Variants in MCUB observed in about 807,000 individuals in gnomAD.
The protein encoded by MCUB is mitochondrial calcium uniporter dominant negative subunit beta, also known as calcium uniporter regulatory subunit MCUb, mitochondrial.
In MCUB, 46 loss-of-function variants were observed where a neutral mutation model predicts 41.4. That is an observed-to-expected ratio of 1.11 (90% CI 0.88 to 1.42). The LOEUF is 1.42. Ranked by LOEUF, MCUB falls within the 40% of genes most tolerant of loss-of-function variation. MCUB has a pLI of 0.00. For synonymous variants in MCUB, 148 were observed against 148.2 expected, an observed-to-expected ratio of 1.00 and a Z score of 0.01; for missense variants, 403 against 404.9, an observed-to-expected ratio of 1.00 and a Z score of 0.04.
intron 1 of MCUB, among the ~76,000 whole-genome samples, chr4:109,580,509 G>A (rs139170839): frequency 2.5e-4 from 38 of 152,184 alleles, no homozygotes; most frequent in Admixed American, 1.3e-3. Flanking sequence ...GTGTAAAAGC[G>A]TTCCTATTTC....
chr4:109,659,521 T>C (rs534333311), intron 2 of MCUB, among the ~76,000 whole-genome samples: 1 of 151,850 alleles, frequency 6.6e-6, no homozygotes, highest in African/African-American at 2.4e-5. Flanking sequence ...GCCCAGGAGG[T>C]AGAGGCTGCA....
chr4:109,625,958 T>C (rs1728351253), intron 1 of MCUB, among the ~76,000 whole-genome samples: 1 of 152,210 alleles, frequency 6.6e-6, no homozygotes, highest in African/African-American at 2.4e-5. Flanking sequence ...CCTTAATGCA[T>C]TCGTCCTCAG....
In MCUB at chr4:109,615,499, G is replaced by A. The variant is rs904162459; in HGVS notation, c.100-43512G>A. On this transcript the variant is annotated intron_variant, in intron 1 of 7. Coordinates refer to ENST00000394650, the MANE Select transcript of MCUB (RefSeq NM_017918.5). The stretch of plus-strand genomic sequence containing the variant: ...CGGCTCACTGCAACCTCCGTCTGCC[G>A]GGTTTTACGCCATTCTCCTGCCTCA... Among the ~76,000 whole-genome samples, 5 of 151,158 alleles carry A rather than the reference G, an allele frequency of 3.3e-5. No homozygotes were observed. In the East Asian group the frequency reaches 5.9e-4, roughly 18 times the overall value.
chr4:109,638,001 C>T (rs994565936), intron 1 of MCUB, among the ~76,000 whole-genome samples: 2 of 152,160 alleles, frequency 1.3e-5, no homozygotes, highest in East Asian at 3.8e-4. Context: ...GCAAGTCTTG[C>T]AATAAAATGA....
Position 109,684,542 on chromosome 4 carries a change from C to T in MCUB, c.712C>T (p.Leu238Phe), listed in dbSNP as rs1729791879. 3.1e-6 allele frequency: 5 copies of T among 1,612,062 alleles called. No homozygotes were observed. The East Asian group carries it at 1.1e-4, about 36-fold the overall frequency. Residue 238 changes from leucine (L) to phenylalanine (F), a missense_variant, in exon 6 of 8, where the codon CTC (leucine) becomes TTC (phenylalanine). Transcript: ENST00000394650. ...CATTCAGGGTGGGGCACTGGCCTGG[C>T]TCACGTGGTGGGTGTACTCCTGGGA... Reference protein sequence around the residue: ...LSIQGGALAWLTWWVYSWDIM... With the variant: ...LSIQGGALAWFTWWVYSWDIM...
At chr4:109,569,133 G>A (rs1200620284) in intron 1 of MCUB, among the ~76,000 whole-genome samples, 6 of 151,952 alleles carry the variant, frequency 3.9e-5, no homozygotes, top group African/African-American at 1.2e-4. Flanking sequence ...TGCAAGCTCC[G>A]CCTCCCGGGT....
intron 1 of MCUB, among the ~76,000 whole-genome samples, chr4:109,624,564 G>C (rs931670597): frequency 6.6e-6 from 1 of 152,134 alleles, no homozygotes; most frequent in African/African-American, 2.4e-5. Context: ...TTGATGAAGA[G>C]GATATTTATT....
intron 1 of MCUB, among the ~76,000 whole-genome samples, chr4:109,608,767 C>G (rs934305037): frequency 6.6e-6 from 1 of 152,016 alleles, no homozygotes; most frequent in Non-Finnish European, 1.5e-5. Flanking sequence ...TCCCAAAGTT[C>G]TGGGATTAAA....
chr4:109,610,260 C>T (rs1727976878), intron 1 of MCUB, among the ~76,000 whole-genome samples: 1 of 152,242 alleles, frequency 6.6e-6, no homozygotes, highest in African/African-American at 2.4e-5. Flanking sequence ...CTGCTCAGTG[C>T]TCTACCCCAT....
chr4:109,587,559 C>T (rs1413245443), intron 1 of MCUB, among the ~76,000 whole-genome samples: 2 of 152,194 alleles, frequency 1.3e-5, no homozygotes, highest in African/African-American at 4.8e-5. Flanking sequence ...CTGGGAGCTG[C>T]AGACTGGAGC....
chr4:109,632,611 A>C (rs1260500987), intron 1 of MCUB, among the ~76,000 whole-genome samples: 1 of 84,670 alleles, frequency 1.2e-5, no homozygotes, highest in Non-Finnish European at 2.2e-5. Flanking sequence ...GTCTTCTGTC[A>C]TTGCTTTTTT....
In MCUB at chr4:109,660,178, C is replaced by CT; in HGVS notation, c.176-10dup. The stretch of plus-strand genomic sequence containing the variant: ...AAGTAAAATTTACTCATTTTTTTTT[C>CT]TTTTTTTCCTTAACAGAAATAACAG... On this transcript the variant is annotated splice_polypyrimidine_tract_variant and intron_variant, in intron 2 of 7. Coordinates refer to ENST00000394650, the MANE Select transcript of MCUB (RefSeq NM_017918.5). 5 of 1,258,162 alleles carry CT rather than the reference C, an allele frequency of 4.0e-6. No homozygotes were observed. Among genetic ancestry groups the CT allele is most frequent in the East Asian group, 5.5e-5 (2 of 36,430 alleles). The allele number at this position is 1,258,162 out of a possible 1,614,324, so 77.9% of individuals were successfully genotyped here.
chr4:109,670,648 G>A (rs1032761475), intron 4 of MCUB, among the ~76,000 whole-genome samples: 12 of 151,932 alleles, frequency 7.9e-5, no homozygotes, highest in East Asian at 5.8e-4. Flanking sequence ...CCCGGAAGGC[G>A]GAAGCTGCAG....
chr4:109,678,686 C>G (rs1369366244), intron 4 of MCUB, among the ~76,000 whole-genome samples: 13 of 143,358 alleles, frequency 9.1e-5, no homozygotes, highest in African/African-American at 3.6e-4. Flanking sequence ...CAGGCAGAGG[C>G]ACTCCCCACT....
At chr4:109,667,513 G>A (rs1729369412) in intron 4 of MCUB, among the ~76,000 whole-genome samples, 1 of 149,932 alleles carries the variant, frequency 6.7e-6, no homozygotes, top group Non-Finnish European at 1.5e-5. Context: ...CAATTTAATT[G>A]ATTTTTTCCA....
intron 4 of MCUB, among the ~76,000 whole-genome samples, chr4:109,665,407 A>G (rs545979199): frequency 2.0e-5 from 3 of 152,152 alleles, no homozygotes; most frequent in Non-Finnish European, 4.4e-5. Context: ...TGGTTTCCTT[A>G]TAGTTGTTTC....
chr4:109,586,034 G>T (rs142800393), intron 1 of MCUB, among the ~76,000 whole-genome samples: 36 of 152,302 alleles, frequency 2.4e-4, no homozygotes, highest in African/African-American at 7.9e-4. Context: ...ATATCCTAAA[G>T]AGTGTTTTCG....
chr4:109,616,508 T>A (rs1728130759), intron 1 of MCUB, among the ~76,000 whole-genome samples: 1 of 152,132 alleles, frequency 6.6e-6, no homozygotes, highest in African/African-American at 2.4e-5. Context: ...AATCTTGTCA[T>A]CCTCCCCTTT....
At chr4:109,657,238 AAT>A (rs1291739460) in intron 1 of MCUB, among the ~76,000 whole-genome samples, 287 of 145,168 alleles carry the variant, frequency 2.0e-3, no homozygotes, top group African/African-American at 7.1e-3. Flanking sequence ...AAAAAAAAAA[AAT>A]AGAAAGCTCA....
Sources: allele counts gnomAD v4.1 joint callset (sites outside exome capture counted in the v4.1 genomes callset), GRCh38; gene constraint gnomAD v4.1.1; transcripts MANE v1.5; gene names NCBI Gene and HGNC (gene_info 2026-07-23, HGNC 2026-07-21).